Variants in EMC8 observed in about 807,000 individuals in gnomAD.
EMC8 encodes the protein ER membrane protein complex subunit 8.
EMC8 carries 11 observed loss-of-function variants against 24.3 expected under a neutral mutation model. The ratio of observed to expected loss-of-function variants is 0.45; its 90% CI spans 0.28 to 0.75. The LOEUF is 0.75. Among genes scored for constraint, EMC8 ranks in the 30% least tolerant of loss-of-function variants. EMC8 has a pLI of 0.12. For synonymous variants in EMC8, 145 were observed against 117.7 expected (o/e 1.23, Z -1.50); for missense variants, 277 against 282.7 (o/e 0.98, Z 0.14).
rs925789695 is a variant in EMC8, at chr16:85,799,089, G to A, written c.207C>T (p.Pro69=). The A allele has an allele frequency of 5.8e-6, 9 of 1,562,702 alleles. No individual in the cohort carries two copies. The highest frequency in any genetic ancestry group is 5.4e-5 in the African/African-American group (4 of 73,656). ...CCAGGGTGAGAGCCACCTCCAGCAT[G>A]GGGGCGAGGGCCAGGGTGCCGTGGA... ...PLFHGTLALA[P]MLEVALTLID... is the part of the protein sequence containing the mutation. Residue 69 remains proline (P), a synonymous_variant, in exon 1 of 5, where the codon CCC becomes CCT. Coordinates refer to ENST00000253457, the MANE Select transcript of EMC8 (RefSeq NM_006067.5). The surrounding 1 kb of genome is among the most constrained non-coding windows in gnomAD (Gnocchi z 4.2).
intron 2 of EMC8, among the ~76,000 whole-genome samples, chr16:85,785,795 C>T (rs1407603554): frequency 6.6e-6 from 1 of 152,166 alleles, no homozygotes; most frequent in East Asian, 1.9e-4. Flanking sequence ...TGAAGGCAGA[C>T]CACTCTGCTC....
chr16:85,784,560 A>C (rs1024460509), intron 2 of EMC8: 1 of 152,222 alleles, frequency 6.6e-6, no homozygotes, highest in African/African-American at 2.4e-5. Flanking sequence ...TTAAGAGGGA[A>C]GGGGAGGTTT....
chr16:85,779,539 T>C lies in EMC8; in HGVS notation c.*169A>G, dbSNP rs1904389403. 1.1e-5 allele frequency: 7 copies of C among 625,546 alleles called. No individual in the cohort carries two copies. The highest frequency in any genetic ancestry group is 8.8e-4 in the Middle Eastern group (2 of 2,264). The allele number at this position is 625,546 out of a possible 1,614,324, so 38.7% of individuals were successfully genotyped here. On this transcript the variant is annotated 3_prime_UTR_variant, in exon 5 of 5. Transcript: ENST00000253457. ...GTCTGCACCTCTTCTAGAGACTCTGTGTTAAAAACACGACCGACTGAACAT... is the reference window on the plus strand; with the variant it reads ...GTCTGCACCTCTTCTAGAGACTCTGCGTTAAAAACACGACCGACTGAACAT...
chr16:85,797,279 A>G (rs3764268), intron 1 of EMC8, among the ~76,000 whole-genome samples: 125,210 of 152,100 alleles, frequency 0.82, 52,023 homozygotes, highest in African/African-American at 0.87. Flanking sequence ...GTGGTGGTGG[A>G]CGCCTGAAAT....
In EMC8 at chr16:85,799,215, G is replaced by A. The variant is rs1454900221; in HGVS notation, c.81C>T (p.Asn27=). The change falls in exon 1 of 5, where the codon AAC becomes AAT. Residue 27 remains asparagine (N), a synonymous_variant. Transcript: ENST00000253457. The surrounding 1 kb of genome is among the most constrained non-coding windows in gnomAD (Gnocchi z 4.2). ...HGAKYPHCAV[N]GLLVAEKQKP... is the part of the protein sequence containing the mutation. The stretch of plus-strand genomic sequence containing the variant: ...TCTGCTTCTCGGCCACCAGGAGCCC[G>A]TTGACGGCGCAGTGCGGGTACTTGG... The A allele has an allele frequency of 6.2e-7, 1 of 1,613,384 alleles. No individual in the cohort carries two copies. The highest frequency in any genetic ancestry group is 8.5e-7 in the Non-Finnish European group (1 of 1,179,868).
At chr16:85,798,735 C>T in intron 1 of EMC8, 3 of 305,500 alleles carry the variant, frequency 9.8e-6, no homozygotes, top group Non-Finnish European at 1.8e-5. Flanking sequence ...AACTCGAAAT[C>T]CTCAAGGGAA....
intron 1 of EMC8, among the ~76,000 whole-genome samples, chr16:85,797,536 G>A (rs531858546): frequency 5.3e-5 from 8 of 152,312 alleles, no homozygotes; most frequent in Admixed American, 2.0e-4. Context: ...TATCATCTAA[G>A]TATTATAATC....
chr16:85,781,101 G>A (rs1471402523), intron 3 of EMC8, 110 bp downstream of exon 3: 2 of 746,680 alleles, frequency 2.7e-6, no homozygotes. Context: ...ATGGTCTCAA[G>A]CAGATAAATG....
intron 4 of EMC8, 128 bp from the exon 5 acceptor site, chr16:85,779,995 T>C (rs533859123): frequency 4.0e-6 from 3 of 744,064 alleles, no homozygotes; most frequent in Non-Finnish European, 6.8e-6. Flanking sequence ...CTGAGAAACA[T>C]GTGCATTTCA....
chr16:85,795,677 A>G (rs898276063), intron 1 of EMC8, among the ~76,000 whole-genome samples: 2 of 152,262 alleles, frequency 1.3e-5, no homozygotes, highest in East Asian at 1.9e-4. Flanking sequence ...GTGTCTCTTC[A>G]TCTGTATCCT....
intron 2 of EMC8, among the ~76,000 whole-genome samples, chr16:85,784,199 C>T (rs538299828): frequency 1.1e-4 from 17 of 152,254 alleles, no homozygotes; most frequent in African/African-American, 3.6e-4. Context: ...GGGGTTTCAC[C>T]GTGTTAGCCA....
chr16:85,779,219 CA>C lies in EMC8; in HGVS notation c.*488del, dbSNP rs1285599033. The stretch of plus-strand genomic sequence containing the variant: ...AAACACCCACACAGAGCTTCTCAAA[CA>C]GCTCAGCACCAGCACTCCACGTGTC... On this transcript the variant is annotated 3_prime_UTR_variant, in exon 5 of 5. Transcript: ENST00000253457. The C allele has an allele frequency of 4.5e-5, 7 of 155,932 alleles. No homozygotes were observed. The highest frequency in any genetic ancestry group is 4.4e-4 in the Admixed American group (7 of 15,960). The allele number at this position is 155,932 out of a possible 1,614,324, so 9.7% of individuals were successfully genotyped here.
chr16:85,783,697 T>G (rs1597201103), intron 2 of EMC8, among the ~76,000 whole-genome samples: 1 of 152,272 alleles, frequency 6.6e-6, no homozygotes, highest in Non-Finnish European at 1.5e-5. Flanking sequence ...TCTGCCTACA[T>G]GTCATCTGCC....
chr16:85,786,145 C>T (rs1293908123), intron 2 of EMC8, among the ~76,000 whole-genome samples: 1 of 152,228 alleles, frequency 6.6e-6, no homozygotes, highest in African/African-American at 2.4e-5. Context: ...GTCCTCATGA[C>T]TACTCTCTGA....
chr16:85,781,157 G>C (rs2152072227), intron 3 of EMC8, 54 bp downstream of exon 3: 1 of 1,287,126 alleles, frequency 7.8e-7, no homozygotes, highest in South Asian at 1.2e-5. Flanking sequence ...GCAAGCTCCA[G>C]GTTGGTGAGA....
intron 1 of EMC8, among the ~76,000 whole-genome samples, chr16:85,796,839 C>T (rs1905258472): frequency 6.6e-6 from 1 of 152,230 alleles, no homozygotes; most frequent in Non-Finnish European, 1.5e-5. Flanking sequence ...GGCTGGCTGA[C>T]TTCTCTCGAA....
intron 1 of EMC8, among the ~76,000 whole-genome samples, chr16:85,791,536 T>A (rs898491643): frequency 1.6e-4 from 24 of 152,248 alleles, no homozygotes; most frequent in African/African-American, 5.8e-4. Flanking sequence ...TTCTCACTAT[T>A]CAACTCCCAC....
chr16:85,798,886 CTATT>C, intron 1 of EMC8, 175 bp downstream of exon 1: 1 of 554,688 alleles, frequency 1.8e-6, no homozygotes, highest in South Asian at 2.4e-5. Context: ...CTACGGGACG[CTATT>C]TATTCAGCGC....
At position 85,779,748 on chromosome 16, in the gene EMC8, G is replaced by C; in HGVS notation, c.593C>G (p.Thr198Arg). ...GACAGCTTTATTGATCTCTGGGTTT[G>C]TCCAGTCATTCCGAATGTCATCCAG... is the stretch of plus-strand genomic sequence containing the variant. Reference protein sequence around the residue: ...NHLDDIRNDWTNPEINKAVLH... With the variant: ...NHLDDIRNDWRNPEINKAVLH... The change falls in exon 5 of 5, where the codon ACA becomes AGA. Residue 198 changes from threonine to arginine, a missense_variant. Coordinates refer to ENST00000253457, the MANE Select transcript of EMC8 (RefSeq NM_006067.5). The C allele has an allele frequency of 6.2e-7, 1 of 1,614,242 alleles. No individual in the cohort carries two copies. The highest frequency in any genetic ancestry group is 1.7e-5 in the Admixed American group (1 of 60,026).
Sources: allele counts gnomAD v4.1 joint callset (sites outside exome capture counted in the v4.1 genomes callset), GRCh38; gene constraint gnomAD v4.1.1; non-coding constraint Gnocchi (gnomAD v3.1); transcripts MANE v1.5; gene names NCBI Gene and HGNC (gene_info 2026-07-23, HGNC 2026-07-21).